SLC25A22: variants seen among roughly 807,000 people sequenced by gnomAD.
SLC25A22 encodes solute carrier family 25 member 22, also known as mitochondrial glutamate carrier 1.
In SLC25A22, 23 loss-of-function variants were observed where a neutral mutation model predicts 33.7. The ratio of observed to expected loss-of-function variants is 0.68; its 90% CI spans 0.49 to 0.97. The LOEUF is 0.97. SLC25A22 is among the 50% of genes least tolerant of loss of function. The pLI is 0.00. For synonymous variants in SLC25A22, 245 were observed against 203.8 expected (o/e 1.20, Z -1.72); for missense variants, 390 against 451.1 (o/e 0.86, Z 1.23).
chr11:793,090 G>T, intron 5 of SLC25A22, 102 bp from the exon 6 acceptor site: 1 of 1,118,696 alleles, frequency 8.9e-7, no homozygotes, highest in Non-Finnish European at 1.3e-6. Flanking sequence ...TGGGAGCCGT[G>T]GAGGCAGATG....
Position 790,731 on chromosome 11 carries a change from T to G in SLC25A22, c.*1184A>C, listed in dbSNP as rs970608597. On this transcript the variant is annotated 3_prime_UTR_variant, in exon 10 of 10. Coordinates refer to ENST00000628067, the MANE Select transcript of SLC25A22 (RefSeq NM_001191061.2). ...GGGACACAGCACCAGCACATCAGGG[T>G]CTGTCACCAACACGATCACATGGCC... is the stretch of plus-strand genomic sequence containing the variant. The G allele has an allele frequency of 6.6e-6, 1 of 152,280 alleles. No homozygotes were observed. The highest frequency in any genetic ancestry group is 6.5e-5 in the Admixed American group (1 of 15,274). 9.4% of individuals were successfully genotyped at this position (152,280 alleles called of 1,614,324 possible). A position where few individuals can be genotyped will look rare whatever the true frequency, so the allele number is the denominator to read the frequency against.
Position 794,915 on chromosome 11 carries a change from G to T in SLC25A22, c.21-14C>A. 4 of 1,564,754 alleles carry T rather than the reference G, an allele frequency of 2.6e-6. No individual in the cohort carries two copies. Among genetic ancestry groups the T allele is most frequent in the Non-Finnish European group, 3.5e-6 (4 of 1,154,650 alleles). On this transcript the variant is annotated splice_polypyrimidine_tract_variant and intron_variant, in intron 2 of 9. Transcript: ENST00000628067. Reference sequence around the variant, plus strand: ...TTGGCTGGCAGGCTGTGTGGACAGGGGTGTCAGGACCGGCTTCCTTGACCA... The same window carrying T: ...TTGGCTGGCAGGCTGTGTGGACAGGTGTGTCAGGACCGGCTTCCTTGACCA...
At position 794,786 on chromosome 11, in the gene SLC25A22, ACACG is replaced by A; in HGVS notation, c.132_135del (p.Val45ThrfsTer26). ...GCCCGGCACACTCACATGCTCGTGT[ACACG>A]CGCTGGCCGTTCTGCTGGTTCTGCA... is the stretch of plus-strand genomic sequence containing the variant. On this transcript the variant is annotated frameshift_variant, in exon 3 of 10. Transcript: ENST00000628067. LOFTEE classifies it high-confidence loss of function. 1 of 1,598,688 alleles carries A rather than the reference ACACG, an allele frequency of 6.3e-7. No homozygotes were observed. The highest frequency in any genetic ancestry group is 2.3e-5 in the East Asian group (1 of 44,368).
Position 790,594 on chromosome 11 carries a change from C to T in SLC25A22, c.*1321G>A, listed in dbSNP as rs1864461299. On this transcript the variant is annotated 3_prime_UTR_variant, in exon 10 of 10. Transcript: ENST00000628067. ...AGCAGCAGCAGCAGCTTCCAAGGTTCTGATGTGACGGGAGGGGCAGCTCCC... is the reference window on the plus strand; with the variant it reads ...AGCAGCAGCAGCAGCTTCCAAGGTTTTGATGTGACGGGAGGGGCAGCTCCC... 6.6e-6 allele frequency: 1 copy of T among 152,292 alleles called. No homozygotes were observed. The allele number at this position is 152,292 out of a possible 1,614,324, so 9.4% of individuals were successfully genotyped here.
At chr11:794,926 C>G (rs543225194) in intron 2 of SLC25A22, 25 bp from the exon 3 acceptor site, 3 of 1,563,796 alleles carry the variant, frequency 1.9e-6, no homozygotes, top group Admixed American at 1.9e-5. Context: ...GTGTCAGGAC[C>G]GGCTTCCTTG....
At chr11:795,398 G>T in intron 1 of SLC25A22, 1 of 312,824 alleles carries the variant, frequency 3.2e-6, no homozygotes, top group Non-Finnish European at 5.8e-6. Context: ...CGTCTTCCCA[G>T]CCAGCCTCAC....
chr11:793,059 A>C, intron 5 of SLC25A22, 71 bp from the exon 6 acceptor site: 3 of 1,434,898 alleles, frequency 2.1e-6, no homozygotes, highest in Non-Finnish European at 2.9e-6. Context: ...GCTGCCCACC[A>C]TGCCTGGGCG....
At chr11:797,804 C>T (rs1053946745) in intron 1 of SLC25A22, 2 of 398,538 alleles carry the variant, frequency 5.0e-6, no homozygotes, top group African/African-American at 2.1e-5. Context: ...TCTCTGCGCT[C>T]GGAGGCCGGC....
intron 4 of SLC25A22, 100 bp from the exon 5 acceptor site, chr11:793,719 T>G: frequency 1.2e-6 from 1 of 822,272 alleles, no homozygotes; most frequent in South Asian, 1.4e-5. Context: ...CCTGTCCCAG[T>G]CACTCCTGGC....
rs1187932925 is a variant in SLC25A22, at chr11:792,363, G to A, written c.683C>T (p.Ser228Phe). 3 of 1,613,254 alleles carry A rather than the reference G, an allele frequency of 1.9e-6. No homozygotes were observed. ...ASEEKSPFYV[S>F]FLAGCVAGSA... ...CCCAGCCACACAGCCGGCCAGGAAGGACACGTAGAAAGGCGACTTCTCCTC... is the reference window on the plus strand; with the variant it reads ...CCCAGCCACACAGCCGGCCAGGAAGAACACGTAGAAAGGCGACTTCTCCTC... Residue 228 changes from serine to phenylalanine, a missense_variant, in exon 8 of 10, where the codon TCC (serine) becomes TTC (phenylalanine). Ser to Phe is a radical substitution (Grantham distance 155, BLOSUM62 -2). Coordinates refer to ENST00000628067, the MANE Select transcript of SLC25A22 (RefSeq NM_001191061.2).
chr11:797,753 G>A, intron 1 of SLC25A22: 1 of 398,684 alleles, frequency 2.5e-6, no homozygotes, highest in South Asian at 1.3e-4. Flanking sequence ...ACTGCGCGAT[G>A]CCTCGGCCAG....
rs778490010 is a variant in SLC25A22, at chr11:792,047, G to A, written c.840C>T (p.Gly280=). The A allele has an allele frequency of 1.3e-6, 2 of 1,599,644 alleles. No homozygotes were observed. The highest frequency in any genetic ancestry group is 2.2e-5 in the South Asian group (2 of 89,548). The stretch of plus-strand genomic sequence containing the variant: ...AGGCGCCCTTCAGGAAGGCCGAGGG[G>A]CCCTCGTGCCGCAGGATCTTCCTGT... ...DCARKILRHE[G]PSAFLKGAYC... The change falls in exon 10 of 10, where the codon GGC becomes GGT. Residue 280 remains glycine, a synonymous_variant. Transcript: ENST00000628067.
At chr11:796,020 C>T (rs2133722018) in intron 1 of SLC25A22, 1 of 152,536 alleles carries the variant, frequency 6.6e-6, no homozygotes, top group East Asian at 1.9e-4. Context: ...CTGGGCCCCC[C>T]AGAGGCCAGC....
At chr11:794,737 A>G (rs769776726) in intron 3 of SLC25A22, 39 bp downstream of exon 3, 1 of 1,587,746 alleles carries the variant, frequency 6.3e-7, no homozygotes, top group East Asian at 2.3e-5. Flanking sequence ...CTGCTGCCAC[A>G]TGCTGGGCCC....
Position 792,713 on chromosome 11 carries a change from T to A in SLC25A22, c.427A>T (p.Ile143Phe), listed in dbSNP as rs2133701973. Reference sequence around the variant, plus strand: ...GAGAGCTGGCCCTGGGCAGCCAGGATCTTCCTCTGGGCGGCTGGGGACAAA... The same window carrying A: ...GAGAGCTGGCCCTGGGCAGCCAGGAACTTCCTCTGGGCGGCTGGGGACAAA... ...DAGRIAAQRK[I>F]LAAQGQLSAQ... The change falls in exon 7 of 10, where the codon ATC becomes TTC. Residue 143 changes from isoleucine to phenylalanine, a missense_variant. Ile to Phe is a conservative substitution (Grantham distance 21). Transcript: ENST00000628067. The A allele has an allele frequency of 6.5e-7, 1 of 1,549,408 alleles. No individual in the cohort carries two copies. The highest frequency in any genetic ancestry group is 2.4e-5 in the East Asian group (1 of 41,686).
chr11:795,241 C>T, intron 1 of SLC25A22, 72 bp from the exon 2 acceptor site: 1 of 652,950 alleles, frequency 1.5e-6, no homozygotes, highest in Non-Finnish European at 2.8e-6. Context: ...CAGCCTCCCT[C>T]TCTCACGCAG....
At position 798,086 on chromosome 11, in the gene SLC25A22, C is replaced by A. The variant is rs189558877; in HGVS notation, c.-164+131G>T. ...GGAGCATCCGCTGGTCCAGGACCCC[C>A]CCTCCCGCCCGCCAGGCCACGTTGT... is the stretch of plus-strand genomic sequence containing the variant. On this transcript the variant is annotated intron_variant, in intron 1 of 9. Coordinates refer to ENST00000628067, the MANE Select transcript of SLC25A22 (RefSeq NM_001191061.2). 1,152 of 398,296 alleles carry A rather than the reference C, an allele frequency of 2.9e-3. 11 individuals carry two copies. Among genetic ancestry groups the A allele is most frequent in the African/African-American group, 0.021 (1,010 of 48,744 alleles). 24.7% of individuals were successfully genotyped at this position (398,296 alleles called of 1,614,324 possible).
At chr11:797,805 G>T (rs763002424) in intron 1 of SLC25A22, 7 of 398,646 alleles carry the variant, frequency 1.8e-5, no homozygotes, top group Non-Finnish European at 3.1e-5. Flanking sequence ...CTCTGCGCTC[G>T]GAGGCCGGCT....
Position 792,232 on chromosome 11 carries a change from C to G in SLC25A22, c.743-15G>C. On this transcript the variant is annotated splice_polypyrimidine_tract_variant and intron_variant, in intron 8 of 9. Transcript: ENST00000628067. ...CGTCTTCACCACTGCAAGGGGCGCT[C>G]GGGTCAGTGTGAGCCTGGCCAAGGG... 1 of 1,612,948 alleles carries G rather than the reference C, an allele frequency of 6.2e-7. No homozygotes were observed. Among genetic ancestry groups the G allele is most frequent in the South Asian group, 1.1e-5 (1 of 91,080 alleles).
Sources: gnomAD v4.1 joint callset for allele counts on GRCh38, gnomAD v4.1.1 for gene constraint, MANE v1.5 for transcripts, NCBI Gene and HGNC (gene_info 2026-07-23, HGNC 2026-07-21) for gene names.